The following L3MBTL3 variants were observed in gnomAD, a reference collection of about 807,000 sequenced individuals.
L3MBTL3 encodes lethal(3)malignant brain tumor-like protein 3.
Under a neutral mutation model 102.3 loss-of-function variants are expected in L3MBTL3, and 27 were observed. That is an observed-to-expected ratio of 0.26 (90% CI 0.19 to 0.36). The LOEUF (loss-of-function observed/expected upper bound fraction) is 0.36. Ranked by LOEUF, L3MBTL3 falls within the 10% of genes least tolerant of loss-of-function variation. The pLI, the probability that L3MBTL3 is intolerant of heterozygous loss-of-function variation, is 1.00. For missense variants in L3MBTL3, 798 were observed against 955.3 expected (o/e 0.84, Z 2.17); for synonymous variants, 340 against 320.9 (o/e 1.06, Z -0.64).
chr6:130,109,464 T>C (rs1209835417), intron 19 of L3MBTL3, among the ~76,000 whole-genome samples: 1 of 152,238 alleles, frequency 6.6e-6, no homozygotes, highest in Non-Finnish European at 1.5e-5. Flanking sequence ...CCAGTGATGA[T>C]GAGCTTGTTT....
intron 13 of L3MBTL3, among the ~76,000 whole-genome samples, chr6:130,071,530 A>G (rs1014817628): frequency 1.3e-5 from 2 of 152,082 alleles, no homozygotes; most frequent in African/African-American, 2.4e-5. Context: ...AAGTTGTAAA[A>G]GCAACATATT....
At position 130,133,672 on chromosome 6, in the gene L3MBTL3, T is replaced by TC. The variant is rs746490425; in HGVS notation, c.2136+51_2136+52insC. 2 of 1,598,930 alleles carry TC rather than the reference T, an allele frequency of 1.3e-6. No individual in the cohort carries two copies. The highest frequency in any genetic ancestry group is 1.7e-6 in the Non-Finnish European group (2 of 1,170,872). Reference sequence around the variant, plus strand: ...GACACCAGATACAGGATTACTGGCTTAAGAGGTGTGGAACATTGAGCGTAG... The same window carrying TC: ...GACACCAGATACAGGATTACTGGCTTCAAGAGGTGTGGAACATTGAGCGTAG... On this transcript the variant is annotated intron_variant, in intron 21 of 22. Transcript: ENST00000361794. The surrounding 1 kb of genome is among the most constrained non-coding windows in gnomAD (Gnocchi z 4.9).
At chr6:130,093,967 G>A (rs969580415) in intron 17 of L3MBTL3, among the ~76,000 whole-genome samples, 8 of 152,122 alleles carry the variant, frequency 5.3e-5, no homozygotes, top group South Asian at 2.1e-4. Flanking sequence ...TTGTTAATTC[G>A]TATTTAGATA....
At chr6:130,045,561 C>T (rs910322351) in intron 3 of L3MBTL3, among the ~76,000 whole-genome samples, 4 of 152,150 alleles carry the variant, frequency 2.6e-5, no homozygotes, top group Admixed American at 6.5e-5. Context: ...AGGTCAGTTA[C>T]TGGCAGGGGT....
chr6:130,055,611 C>T (rs1359398009), intron 8 of L3MBTL3, among the ~76,000 whole-genome samples: 2 of 103,456 alleles, frequency 1.9e-5, no homozygotes, highest in Non-Finnish European at 3.9e-5. Context: ...TCTCTGTCTC[C>T]GCCTCTCCCT....
intron 19 of L3MBTL3, among the ~76,000 whole-genome samples, chr6:130,110,104 TGTA>T (rs1785257169): frequency 6.6e-6 from 1 of 152,192 alleles, no homozygotes; most frequent in South Asian, 2.1e-4. Flanking sequence ...ACCGTAGCCT[TGTA>T]GTATAGTTTG....
chr6:130,037,612 TG>T (rs1037585926), intron 2 of L3MBTL3, among the ~76,000 whole-genome samples: 2 of 152,136 alleles, frequency 1.3e-5, no homozygotes, highest in African/African-American at 4.8e-5. Context: ...GCAGTCTTAA[TG>T]GTAGTGAAAT....
chr6:130,098,687 T>C (rs541984828), intron 18 of L3MBTL3, among the ~76,000 whole-genome samples: 81 of 152,082 alleles, frequency 5.3e-4, no homozygotes, highest in Non-Finnish European at 4.9e-4. Flanking sequence ...CTTTTCTAGT[T>C]CTTGTTTTAT....
intron 7 of L3MBTL3, among the ~76,000 whole-genome samples, chr6:130,053,709 G>GCCA (rs904484794): frequency 6.6e-6 from 1 of 150,780 alleles, no homozygotes; most frequent in African/African-American, 2.4e-5. Flanking sequence ...TTGGGGAAAA[G>GCCA]CCATTCAAAA....
intron 19 of L3MBTL3, among the ~76,000 whole-genome samples, chr6:130,110,976 G>C (rs1785313149): frequency 1.3e-5 from 2 of 152,028 alleles, no homozygotes; most frequent in Admixed American, 1.3e-4. Flanking sequence ...TTCCCACTCA[G>C]ATTTTAACAA....
chr6:130,133,657 A>G lies in L3MBTL3; in HGVS notation c.2136+36A>G, dbSNP rs1787299941. The stretch of plus-strand genomic sequence containing the variant: ...TTTTCTTTGCTGCCCGACACCAGAT[A>G]CAGGATTACTGGCTTAAGAGGTGTG... On this transcript the variant is annotated intron_variant, in intron 21 of 22. Coordinates refer to ENST00000361794, the MANE Select transcript of L3MBTL3 (RefSeq NM_032438.4). The surrounding 1 kb of genome is among the most constrained non-coding windows in gnomAD (Gnocchi z 4.9). 6.2e-7 allele frequency: 1 copy of G among 1,608,256 alleles called. No individual in the cohort carries two copies. The highest frequency in any genetic ancestry group is 8.5e-7 in the Non-Finnish European group (1 of 1,178,092).
At chr6:130,089,800 A>G (rs988520845) in intron 16 of L3MBTL3, among the ~76,000 whole-genome samples, 1 of 151,174 alleles carries the variant, frequency 6.6e-6, no homozygotes, top group South Asian at 2.1e-4. Flanking sequence ...TTTGATACAC[A>G]TTTCTCTGAT....
At chr6:130,025,390 C>T (rs1765266006) in intron 2 of L3MBTL3, among the ~76,000 whole-genome samples, 1 of 152,036 alleles carries the variant, frequency 6.6e-6, no homozygotes, top group African/African-American at 2.4e-5. Flanking sequence ...GGATGTAAGT[C>T]AATAGTGGGA....
intron 20 of L3MBTL3, among the ~76,000 whole-genome samples, chr6:130,123,504 A>G (rs1394068414): frequency 6.6e-6 from 1 of 152,172 alleles, no homozygotes; most frequent in Non-Finnish European, 1.5e-5. Context: ...AGATTGGCCT[A>G]TAATGTTCTC....
intron 20 of L3MBTL3, among the ~76,000 whole-genome samples, chr6:130,126,223 T>C (rs1366943125): frequency 6.6e-6 from 1 of 151,960 alleles, no homozygotes; most frequent in East Asian, 1.9e-4. Flanking sequence ...CAAATTTAAA[T>C]TGTTGTATTC....
intron 2 of L3MBTL3, among the ~76,000 whole-genome samples, chr6:130,038,281 C>T (rs1381449847): frequency 2.0e-5 from 3 of 151,882 alleles, no homozygotes; most frequent in Non-Finnish European, 4.4e-5. Context: ...TGGATATGTA[C>T]CCTGTAGTGG....
intron 19 of L3MBTL3, among the ~76,000 whole-genome samples, chr6:130,117,976 G>A (rs533511820): frequency 3.8e-4 from 53 of 140,680 alleles, no homozygotes; most frequent in African/African-American, 1.4e-3. Context: ...CTCCCAAAGT[G>A]TTGTTATTAG....
At chr6:130,100,599 T>G (rs1784620983) in intron 18 of L3MBTL3, among the ~76,000 whole-genome samples, 1 of 151,774 alleles carries the variant, frequency 6.6e-6, no homozygotes, top group Non-Finnish European at 1.5e-5. Context: ...TGCTTTAGGT[T>G]GAGATTTTAT....
rs1196844805 is a variant in L3MBTL3, at chr6:130,068,212, GTTTA to G, written c.1001-113_1001-110del. ...AGTTATGAATTATGAGTTAAATTTT[GTTTA>G]TTTAAAAAGTCATTTGATTGATTTT... On this transcript the variant is annotated intron_variant, in intron 11 of 22. Transcript: ENST00000361794. The G allele has an allele frequency of 1.4e-5, 8 of 581,512 alleles. No individual in the cohort carries two copies. In the Admixed American group the frequency reaches 1.7e-4, roughly 13 times the overall value. 36.0% of individuals were successfully genotyped at this position (581,512 alleles called of 1,614,324 possible).
Sources: gnomAD v4.1 joint callset for allele counts (sites outside exome capture counted in the v4.1 genomes callset) on GRCh38, gnomAD v4.1.1 for gene constraint, Gnocchi (gnomAD v3.1) non-coding constraint, MANE v1.5 for transcripts, NCBI Gene and HGNC (gene_info 2026-07-23, HGNC 2026-07-21) for gene names.